MAPK6: variants seen among roughly 807,000 people sequenced by gnomAD.
MAPK6 encodes the protein mitogen-activated protein kinase 6, also known as ERK-3.
MAPK6 carries 19 observed loss-of-function variants against 59.3 expected under a neutral mutation model. The observed-to-expected ratio is 0.32, with a 90% CI of 0.22 to 0.47. The LOEUF (loss-of-function observed/expected upper bound fraction) is 0.47, where lower values mean the gene tolerates loss of function less well. Among genes scored for constraint, MAPK6 ranks in the 20% least tolerant of loss-of-function variants. The probability of loss-of-function intolerance (pLI) is 1.00; values close to 1 mark genes in which losing one functional copy is unlikely to be tolerated. For synonymous variants in MAPK6, 316 were observed against 290.3 expected, an observed-to-expected ratio of 1.09 and a Z score of -0.90; for missense variants, 724 against 847.9, an observed-to-expected ratio of 0.85 and a Z score of 1.81.
At chr15:51,997,578 T>TTTTC in intron 2 of MAPK6, among the ~76,000 whole-genome samples, 1 of 151,442 alleles carries the variant, frequency 6.6e-6, no homozygotes, top group East Asian at 1.9e-4. Context: ...TTTAAAGTTA[T>TTTTC]TTTCTTTCTT....
chr15:52,038,217 G>T (rs1463667409), intron 1 of MAPK6, among the ~76,000 whole-genome samples: 2 of 151,726 alleles, frequency 1.3e-5, no homozygotes, highest in African/African-American at 4.8e-5. Flanking sequence ...CCTGGCACAT[G>T]GTAAGCATTC....
At chr15:52,048,033 G>C (rs1305875768) in intron 2 of MAPK6, among the ~76,000 whole-genome samples, 2 of 152,240 alleles carry the variant, frequency 1.3e-5, no homozygotes, top group South Asian at 4.1e-4. Context: ...AATTAGAGAG[G>C]TGGAGCTGCT....
At chr15:52,019,461 G>A in intron 1 of MAPK6, 85 bp downstream of exon 1, 1 of 147,568 alleles carries the variant, frequency 6.8e-6, no homozygotes, top group Non-Finnish European at 1.5e-5. Context: ...CGGCGGCGGC[G>A]GCGGCGACGG....
At chr15:52,051,760 G>A (rs1379414871) in intron 3 of MAPK6, among the ~76,000 whole-genome samples, 2 of 151,934 alleles carry the variant, frequency 1.3e-5, no homozygotes, top group Non-Finnish European at 2.9e-5. Flanking sequence ...TGTAATCCCA[G>A]CTACTGGGGA....
upstream of MAPK6, among the ~76,000 whole-genome samples, chr15:52,016,107 C>CACACACACACACACAAA (rs1267339787): frequency 2.9e-5 from 4 of 136,212 alleles, no homozygotes; most frequent in Non-Finnish European, 4.7e-5. Flanking sequence ...CACACACACA[C>CACACACACACACACAAA]AAACTAAAAC....
At chr15:51,981,346 G>A (rs1223207153) in intron 1 of MAPK6, among the ~76,000 whole-genome samples, 3 of 151,866 alleles carry the variant, frequency 2.0e-5, no homozygotes, top group Non-Finnish European at 2.9e-5. Flanking sequence ...GGTGGCGGGC[G>A]CCTGTAGTCC....
chr15:51,980,901 A>G (rs1173431027), intron 1 of MAPK6, among the ~76,000 whole-genome samples: 1 of 151,404 alleles, frequency 6.6e-6, no homozygotes, highest in African/African-American at 2.4e-5. Flanking sequence ...CACAAAAGCT[A>G]TTTCAACGTA....
intron 1 of MAPK6, among the ~76,000 whole-genome samples, chr15:51,978,940 G>A (rs1245481706): frequency 6.6e-6 from 1 of 151,474 alleles, no homozygotes; most frequent in Admixed American, 6.6e-5. Flanking sequence ...GGGCAACATA[G>A]TGAGACCTGG....
intron 1 of MAPK6, among the ~76,000 whole-genome samples, chr15:52,043,155 C>T (rs891755812): frequency 8.6e-5 from 13 of 151,934 alleles, no homozygotes; most frequent in Admixed American, 2.6e-4. Flanking sequence ...ACTGGTTTTC[C>T]TAGGGTATTT....
In MAPK6 at chr15:52,013,003, AAAAAAAAAAAAAAAAAAATATATATATAT is replaced by A. The variant is rs1174596164; in HGVS notation, c.-632+8603_-632+8631del. 6.1e-3 allele frequency among the ~76,000 whole-genome samples: 118 copies of A among 19,200 alleles called. 2 individuals carry two copies. The highest frequency in any genetic ancestry group is 0.01 in the South Asian group (5 of 486). 12.6% of individuals were successfully genotyped at this position (19,200 alleles called of 152,430 possible). ...CTCCGCCTGGAAAAAAAAAAAAAAA[AAAAAAAAAAAAAAAAAAATATATATATAT>A]ATATATATATATATATATATATATA... On this transcript the variant is annotated intron_variant, in intron 3 of 7. Coordinates refer to the MAPK6 transcript ENST00000691380.
At chr15:52,003,014 C>A (rs914991995) in intron 2 of MAPK6, among the ~76,000 whole-genome samples, 3 of 152,044 alleles carry the variant, frequency 2.0e-5, no homozygotes, top group African/African-American at 7.2e-5. Flanking sequence ...TGGTGAAACC[C>A]CGTCTCTACT....
intron 5 of MAPK6, 37 bp downstream of exon 5, chr15:52,061,537 G>A: frequency 6.7e-7 from 1 of 1,492,038 alleles, no homozygotes; most frequent in Non-Finnish European, 9.3e-7. Flanking sequence ...AATATTTACT[G>A]AACTTTCAGT....
chr15:52,009,737 A>C (rs768729585), intron 3 of MAPK6, among the ~76,000 whole-genome samples: 74 of 152,308 alleles, frequency 4.9e-4, no homozygotes, highest in Middle Eastern at 3.4e-3. Context: ...ATTTTATTAC[A>C]AGGAAAGCCA....
At chr15:52,048,123 G>T (rs964130099) in intron 2 of MAPK6, among the ~76,000 whole-genome samples, 6 of 152,026 alleles carry the variant, frequency 3.9e-5, no homozygotes, top group Non-Finnish European at 7.4e-5. Flanking sequence ...CATACATGTT[G>T]TTTCACGTTA....
chr15:51,991,939 G>A (rs2057209910), intron 2 of MAPK6, among the ~76,000 whole-genome samples: 3 of 152,066 alleles, frequency 2.0e-5, no homozygotes, highest in South Asian at 2.1e-4. Context: ...GAGAAAATTC[G>A]AGGCAACTAA....
chr15:52,016,066 GCGCGCA>G (rs1389298210), upstream of MAPK6, among the ~76,000 whole-genome samples: 175 of 44,390 alleles, frequency 3.9e-3, no homozygotes, highest in Middle Eastern at 0.014. Flanking sequence ...GCGCGCGCGC[GCGCGCA>G]CACACACACA....
chr15:52,056,540 C>A (rs1467327459), intron 3 of MAPK6: 1 of 151,962 alleles, frequency 6.6e-6, no homozygotes, highest in African/African-American at 2.4e-5. Flanking sequence ...CTCCACAGGT[C>A]ACCAGTGATC....
rs556639515 is a variant in MAPK6 at position 52,022,262 on chromosome 15, G to A, written c.-632+2886G>A. 4.6e-5 allele frequency among the ~76,000 whole-genome samples: 7 copies of A among 152,256 alleles called. No homozygotes were observed. In the East Asian group the frequency reaches 7.7e-4, roughly 17 times the overall value. On this transcript the variant is annotated intron_variant, in intron 1 of 5. Coordinates refer to ENST00000261845, the MANE Select transcript of MAPK6 (RefSeq NM_002748.4). ...ATTTGAGGAGTTTGTGGACAGTAAA[G>A]TGTTTGTTGTTTTTGTGAGACAGGG... is the stretch of plus-strand genomic sequence containing the variant.
intron 5 of MAPK6, among the ~76,000 whole-genome samples, chr15:52,062,192 G>A (rs7176761): frequency 0.73 from 111,180 of 151,298 alleles, 43,467 homozygotes; most frequent in Non-Finnish European, 0.88. Context: ...TGGGATTACA[G>A]GTACCCAGCT....
Sources: allele counts gnomAD v4.1 joint callset (sites outside exome capture counted in the v4.1 genomes callset), GRCh38; gene constraint gnomAD v4.1.1; transcripts MANE v1.5; gene names NCBI Gene and HGNC (gene_info 2026-07-23, HGNC 2026-07-21).